The following SUGCT variants were observed in gnomAD, a reference collection of about 807,000 sequenced individuals.
The protein encoded by SUGCT is succinyl-CoA:glutarate-CoA transferase.
A neutral mutation model predicts 55.0 loss-of-function variants in SUGCT; 41 were observed. The observed-to-expected ratio is 0.74, with a 90% CI of 0.58 to 0.97. The LOEUF is 0.97. Ranked by LOEUF, SUGCT falls within the 50% of genes least tolerant of loss-of-function variation. The probability of loss-of-function intolerance (pLI) is 0.00; values close to 1 mark genes in which losing one functional copy is unlikely to be tolerated. For missense variants in SUGCT, 568 were observed against 547.8 expected, an observed-to-expected ratio of 1.04 and a Z score of -0.37; for synonymous variants, 187 against 200.4, an observed-to-expected ratio of 0.93 and a Z score of 0.56.
intron 1 of SUGCT, among the ~76,000 whole-genome samples, chr7:40,175,550 T>G (rs1784885900): frequency 6.6e-6 from 1 of 152,086 alleles, no homozygotes; most frequent in South Asian, 2.1e-4. Context: ...ACTTATTGAT[T>G]TCATTAACAC....
intron 9 of SUGCT, among the ~76,000 whole-genome samples, chr7:40,411,152 G>T (rs1190358113): frequency 1.3e-5 from 2 of 152,172 alleles, no homozygotes; most frequent in Non-Finnish European, 2.9e-5. Context: ...CAGCACTTTA[G>T]GAGGCTGAGG....
intron 9 of SUGCT, among the ~76,000 whole-genome samples, chr7:40,385,703 G>A (rs569357327): frequency 8.4e-6 from 1 of 118,430 alleles, no homozygotes; most frequent in Non-Finnish European, 1.8e-5. Context: ...AGGGAAAGGT[G>A]GTACATAGAT....
At chr7:40,393,062 A>C (rs1446786169) in intron 9 of SUGCT, among the ~76,000 whole-genome samples, 1 of 152,178 alleles carries the variant, frequency 6.6e-6, no homozygotes, top group Non-Finnish European at 1.5e-5. Flanking sequence ...TATGAGTCTG[A>C]TCTTGTCGGC....
intron 12 of SUGCT, among the ~76,000 whole-genome samples, chr7:40,694,024 A>G (rs2128654257): frequency 6.6e-6 from 1 of 152,340 alleles, no homozygotes; most frequent in South Asian, 2.1e-4. Context: ...ATGTGTATCT[A>G]GATATTTCTT....
At chr7:40,552,306 A>G (rs1320827180) in intron 12 of SUGCT, among the ~76,000 whole-genome samples, 2 of 152,150 alleles carry the variant, frequency 1.3e-5, no homozygotes, top group Non-Finnish European at 2.9e-5. Flanking sequence ...TCTGCCCTCC[A>G]TACCTCTGTT....
chr7:41,008,098 C>G, the SUGCT span, among the ~76,000 whole-genome samples: 3 of 152,164 alleles, frequency 2.0e-5, no homozygotes, highest in African/African-American at 7.2e-5. Flanking sequence ...CTATCCTCCC[C>G]CTCCCGTAGA....
At chr7:40,797,625 G>C (rs1238972018) in intron 13 of SUGCT, among the ~76,000 whole-genome samples, 3 of 152,062 alleles carry the variant, frequency 2.0e-5, no homozygotes, top group African/African-American at 4.8e-5. Flanking sequence ...AGGCCAATGG[G>C]CTTTCTCATG....
intron 12 of SUGCT, among the ~76,000 whole-genome samples, chr7:40,656,994 G>GA (rs1801047634): frequency 6.6e-6 from 1 of 152,168 alleles, no homozygotes. Flanking sequence ...TGAAGTTTTT[G>GA]TTGAGGGAAT....
chr7:40,847,407 C>CTTTTTTTTTT (rs1338885686), intron 13 of SUGCT, among the ~76,000 whole-genome samples: 9 of 117,882 alleles, frequency 7.6e-5, no homozygotes, highest in East Asian at 9.9e-4. Context: ...TCTTTTCTTT[C>CTTTTTTTTTT]TTTCTTTTTT....
intron 9 of SUGCT, among the ~76,000 whole-genome samples, chr7:40,436,171 G>C (rs1788167103): frequency 6.6e-6 from 1 of 151,904 alleles, no homozygotes; most frequent in Admixed American, 6.6e-5. Flanking sequence ...TCAAACTCCT[G>C]ACCTCAGGTG....
Position 40,621,670 on chromosome 7 carries a change from G to A in SUGCT, c.1089+125284G>A, listed in dbSNP as rs563198314. On this transcript the variant is annotated intron_variant, in intron 12 of 13. Transcript: ENST00000335693. ...GGTGTTTCAGTAGCTTGAGGAGAAG[G>A]TAACAGGCAAGAGAAAATCAAGGAT... Among the ~76,000 whole-genome samples the A allele has an allele frequency of 3.2e-3, 485 of 152,226 alleles. 1 individual carries two copies. The highest frequency in any genetic ancestry group is 4.0e-3 in the Non-Finnish European group (272 of 67,986).
chr7:40,354,132 G>T (rs1797775352), intron 9 of SUGCT, among the ~76,000 whole-genome samples: 2 of 152,138 alleles, frequency 1.3e-5, no homozygotes, highest in Non-Finnish European at 2.9e-5. Flanking sequence ...CACTGTGTAA[G>T]GTGGAAGGGA....
rs138866935 is a variant in SUGCT, at chr7:40,742,785, A to C, written c.1090-6649A>C. Among the ~76,000 whole-genome samples, 384 of 152,334 alleles carry C rather than the reference A, an allele frequency of 2.5e-3. 1 individual carries two copies. Among genetic ancestry groups the C allele is most frequent in the African/African-American group, 8.9e-3 (368 of 41,568 alleles). On this transcript the variant is annotated intron_variant, in intron 12 of 13. Coordinates refer to ENST00000335693, the MANE Select transcript of SUGCT (RefSeq NM_001193313.2). The stretch of plus-strand genomic sequence containing the variant: ...AGGGCACAGTTTTCAGAAATAGTTG[A>C]ATTAACTTTTTAATATATTCACTGT...
intron 8 of SUGCT, among the ~76,000 whole-genome samples, chr7:40,287,488 T>C (rs923682366): frequency 5.3e-5 from 8 of 150,288 alleles, no homozygotes; most frequent in African/African-American, 2.0e-4. Flanking sequence ...CTGTGTTTTT[T>C]CCCTTGATAC....
chr7:40,870,291 T>C, the SUGCT span, among the ~76,000 whole-genome samples: 1 of 152,304 alleles, frequency 6.6e-6, no homozygotes, highest in Middle Eastern at 3.4e-3. Flanking sequence ...CATCTCAAGC[T>C]GCATTCCTTT....
At chr7:40,978,516 G>A in the SUGCT span, among the ~76,000 whole-genome samples, 5 of 152,242 alleles carry the variant, frequency 3.3e-5, 1 homozygote, top group South Asian at 8.3e-4. Flanking sequence ...CCTCAAAGTC[G>A]AAATGTGGGA....
intron 1 of SUGCT, among the ~76,000 whole-genome samples, chr7:40,163,137 A>C (rs1347082950): frequency 6.6e-6 from 1 of 152,184 alleles, no homozygotes; most frequent in African/African-American, 2.4e-5. Flanking sequence ...CACTGGCAAG[A>C]TCGAAGTCAT....
chr7:40,859,115 A>T (rs1407170574), intron 13 of SUGCT, among the ~76,000 whole-genome samples: 1 of 152,252 alleles, frequency 6.6e-6, no homozygotes, highest in Non-Finnish European at 1.5e-5. Context: ...ATCCTGTTTT[A>T]TCAAGTCTTC....
At chr7:40,247,947 A>C (rs1790015675) in intron 7 of SUGCT, among the ~76,000 whole-genome samples, 1 of 150,186 alleles carries the variant, frequency 6.7e-6, no homozygotes, top group Non-Finnish European at 1.5e-5. Context: ...ATCTTTGCTT[A>C]CCCTTAGTTT....
Sources: allele counts gnomAD v4.1 joint callset (sites outside exome capture counted in the v4.1 genomes callset), GRCh38; gene constraint gnomAD v4.1.1; transcripts MANE v1.5; gene names NCBI Gene and HGNC (gene_info 2026-07-23, HGNC 2026-07-21).